The following MEGF10 variants were observed in gnomAD, a reference collection of about 807,000 sequenced individuals.
MEGF10 encodes multiple epidermal growth factor-like domains protein 10.
Under a neutral mutation model 147.5 loss-of-function variants are expected in MEGF10, and 86 were observed. The observed-to-expected ratio is 0.58, with a 90% CI of 0.49 to 0.70. The LOEUF is 0.70. MEGF10 is among the 30% of genes least tolerant of loss of function. The pLI, the probability that MEGF10 is intolerant of heterozygous loss-of-function variation, is 0.00. For synonymous variants in MEGF10, 478 were observed against 525.5 expected (o/e 0.91, Z 1.24); for missense variants, 1,329 against 1,487.3 (o/e 0.89, Z 1.75).
chr5:127,372,387 C>G (rs1185114970), intron 5 of MEGF10, among the ~76,000 whole-genome samples: 1 of 152,208 alleles, frequency 6.6e-6, no homozygotes, highest in East Asian at 1.9e-4. Flanking sequence ...AACCCAGTCT[C>G]CCCCATTGTT....
At chr5:127,310,013 T>TTCCTTCCTTCCTTCCTTCCTTC in intron 1 of MEGF10, among the ~76,000 whole-genome samples, 1 of 37,174 alleles carries the variant, frequency 2.7e-5, no homozygotes, top group South Asian at 8.7e-4. Context: ...TTCCTTCCTT[T>TTCCTTCCTTCCTTCCTTCCTTC]CTTTTTTTCT....
chr5:127,439,373 G>A (rs994674517), intron 17 of MEGF10, among the ~76,000 whole-genome samples: 1 of 152,126 alleles, frequency 6.6e-6, no homozygotes, highest in Admixed American at 6.5e-5. Flanking sequence ...TAAAATAATA[G>A]CAAGAAGCTG....
At chr5:127,298,020 C>T (rs886595281) in intron 1 of MEGF10, among the ~76,000 whole-genome samples, 3 of 152,194 alleles carry the variant, frequency 2.0e-5, no homozygotes, top group Admixed American at 6.5e-5. Context: ...CACCCAGCCA[C>T]GAATAACCTT....
At chr5:127,422,031 G>T (rs981429745) in intron 12 of MEGF10, among the ~76,000 whole-genome samples, 1 of 143,444 alleles carries the variant, frequency 7.0e-6, no homozygotes, top group South Asian at 2.2e-4. Flanking sequence ...ACACAAAAAA[G>T]CTCTAAAATT....
At chr5:127,254,376 A>G in the MEGF10 span, among the ~76,000 whole-genome samples, 1 of 152,326 alleles carries the variant, frequency 6.6e-6, no homozygotes, top group South Asian at 2.1e-4. Flanking sequence ...ACAATATTCT[A>G]CAATTTCCTT....
the MEGF10 span, among the ~76,000 whole-genome samples, chr5:127,243,810 A>C: frequency 6.6e-6 from 1 of 152,168 alleles, no homozygotes; most frequent in Non-Finnish European, 1.5e-5. Flanking sequence ...TGCTGGAAAA[A>C]CAAATTCTTC....
intron 5 of MEGF10, among the ~76,000 whole-genome samples, chr5:127,379,918 G>T (rs759460613): frequency 3.9e-5 from 6 of 152,118 alleles, no homozygotes; most frequent in Non-Finnish European, 7.4e-5. Context: ...GCTGGCTTCT[G>T]TAGGTCAGTT....
rs142889047 is a variant in MEGF10, at chr5:127,304,538, G to A, written c.-19+13482G>A. ...GGACAAAGTCTCCCTCTGTCGCTCA[G>A]GCTGGAGGGCAGTGGCATCGTCTCA... On this transcript the variant is annotated intron_variant, in intron 1 of 24. Transcript: ENST00000503335. 4.9e-3 allele frequency among the ~76,000 whole-genome samples: 752 copies of A among 152,286 alleles called. 8 individuals are homozygous for A. The highest frequency in any genetic ancestry group is 0.017 in the African/African-American group (702 of 41,558).
chr5:127,413,051 A>T (rs78411753), intron 9 of MEGF10, among the ~76,000 whole-genome samples: 1 of 152,264 alleles, frequency 6.6e-6, no homozygotes, highest in African/African-American at 2.4e-5. Context: ...TTTAGATAAG[A>T]CAAGTCATCT....
chr5:127,425,237 C>A (rs1016065948), intron 13 of MEGF10, among the ~76,000 whole-genome samples: 5 of 152,216 alleles, frequency 3.3e-5, no homozygotes, highest in African/African-American at 1.2e-4. Context: ...TCCCATCTGA[C>A]CTTAGACCTA....
At chr5:127,432,773 A>G (rs1187299083) in intron 13 of MEGF10, among the ~76,000 whole-genome samples, 3 of 152,218 alleles carry the variant, frequency 2.0e-5, no homozygotes, top group Non-Finnish European at 4.4e-5. Flanking sequence ...ACAGCTACAA[A>G]TAATGTCAGT....
chr5:127,401,449 A>T (rs544949679), intron 7 of MEGF10, among the ~76,000 whole-genome samples: 1 of 152,270 alleles, frequency 6.6e-6, no homozygotes, highest in South Asian at 2.1e-4. Context: ...AGGAGACTTA[A>T]TTAGCACACC....
At chr5:127,295,795 G>T (rs1045136158) in intron 1 of MEGF10, among the ~76,000 whole-genome samples, 25 of 152,182 alleles carry the variant, frequency 1.6e-4, no homozygotes, top group Admixed American at 4.6e-4. Context: ...TTTCTCAAGG[G>T]TGTGTACCCA....
the MEGF10 span, among the ~76,000 whole-genome samples, chr5:127,265,327 C>A: frequency 1.3e-5 from 2 of 152,090 alleles, no homozygotes; most frequent in Non-Finnish European, 2.9e-5. Flanking sequence ...CATTGATGGA[C>A]ATTTTGGTTG....
the MEGF10 span, among the ~76,000 whole-genome samples, chr5:127,272,267 C>T: frequency 2.0e-5 from 3 of 152,194 alleles, no homozygotes; most frequent in South Asian, 4.2e-4. Flanking sequence ...TTTGGGTTCT[C>T]TATTTTGTTC....
intron 4 of MEGF10, among the ~76,000 whole-genome samples, chr5:127,350,569 C>T (rs78931675): frequency 1.2e-4 from 18 of 151,934 alleles, no homozygotes; most frequent in East Asian, 5.8e-4. Context: ...GCAGGCACAC[C>T]GAAGACTGAA....
intron 5 of MEGF10, among the ~76,000 whole-genome samples, chr5:127,380,022 CG>C (rs1279511488): frequency 1.3e-5 from 2 of 151,592 alleles, no homozygotes; most frequent in Non-Finnish European, 2.9e-5. Context: ...TCCTTTTTAA[CG>C]TTTTTAAATA....
chr5:127,256,756 A>G, the MEGF10 span, among the ~76,000 whole-genome samples: 1 of 152,338 alleles, frequency 6.6e-6, no homozygotes, highest in Middle Eastern at 3.4e-3. Context: ...AACATTTTAT[A>G]GAAATATTAA....
chr5:127,428,720 C>T (rs749376968), intron 13 of MEGF10, among the ~76,000 whole-genome samples: 1 of 152,154 alleles, frequency 6.6e-6, no homozygotes, highest in African/African-American at 2.4e-5. Flanking sequence ...CATTCACTAA[C>T]GCTCCAAATA....
Sources: allele counts gnomAD v4.1 joint callset (sites outside exome capture counted in the v4.1 genomes callset), GRCh38; gene constraint gnomAD v4.1.1; transcripts MANE v1.5; gene names NCBI Gene and HGNC (gene_info 2026-07-23, HGNC 2026-07-21).